Variants in AFF1 observed in about 807,000 individuals in gnomAD.
AFF1 encodes the protein ALF transcription elongation factor 1.
Under a neutral mutation model 121.7 loss-of-function variants are expected in AFF1, and 48 were observed. The observed-to-expected ratio is 0.39, with a 90% CI of 0.31 to 0.50. AFF1 has a LOEUF of 0.50. Ranked by LOEUF, AFF1 falls within the 20% of genes least tolerant of loss-of-function variation. AFF1 has a pLI of 0.76. For missense variants in AFF1, 1,523 were observed against 1,511.7 expected (o/e 1.01, Z -0.12); for synonymous variants, 613 against 563.0 (o/e 1.09, Z -1.26).
At chr4:87,079,016 C>T (rs1722927618) in intron 4 of AFF1, among the ~76,000 whole-genome samples, 1 of 152,118 alleles carries the variant, frequency 6.6e-6, no homozygotes, top group South Asian at 2.1e-4. Context: ...TATACCTTCT[C>T]ACAATGAGGA....
chr4:87,012,037 A>G (rs1726816678), intron 2 of AFF1, among the ~76,000 whole-genome samples: 1 of 152,226 alleles, frequency 6.6e-6, no homozygotes, highest in African/African-American at 2.4e-5. Flanking sequence ...ATAAAATATT[A>G]TGGATGAGAG....
chr4:87,044,698 C>A (rs1450751124), intron 2 of AFF1, among the ~76,000 whole-genome samples: 2 of 152,064 alleles, frequency 1.3e-5, no homozygotes, highest in African/African-American at 4.8e-5. Flanking sequence ...GTAAGAGAGT[C>A]ATACTTCCTA....
chr4:87,025,324 TTTTTGGTACAA>T (rs1728416773), intron 2 of AFF1, among the ~76,000 whole-genome samples: 1 of 152,174 alleles, frequency 6.6e-6, no homozygotes, highest in South Asian at 2.1e-4. Flanking sequence ...AGCCCAAAAC[TTTTTGGTACAA>T]TTCTCATCTC....
chr4:87,007,986 G>A (rs191788471), intron 2 of AFF1, among the ~76,000 whole-genome samples: 416 of 152,282 alleles, frequency 2.7e-3, no homozygotes, highest in South Asian at 9.7e-3. Context: ...GGGGAGAGAG[G>A]ATAATGAACT....
chr4:87,125,258 T>C, intron 13 of AFF1, 115 bp downstream of exon 13: 1 of 630,132 alleles, frequency 1.6e-6, no homozygotes, highest in African/African-American at 1.9e-5. Flanking sequence ...AAACTCAAGC[T>C]CATTTGGACA....
intron 2 of AFF1, among the ~76,000 whole-genome samples, chr4:87,023,855 A>G (rs568300256): frequency 1.8e-4 from 27 of 152,320 alleles, no homozygotes; most frequent in Non-Finnish European, 3.5e-4. Context: ...GGTTTTGTGG[A>G]TGGAGAAAGA....
At chr4:87,043,860 C>T (rs1730404615) in intron 2 of AFF1, among the ~76,000 whole-genome samples, 1 of 151,858 alleles carries the variant, frequency 6.6e-6, no homozygotes, top group Non-Finnish European at 1.5e-5. Flanking sequence ...GCGCTGTTGC[C>T]CCGGCTGGAG....
At chr4:86,982,632 G>A (rs1322257029) in intron 2 of AFF1, among the ~76,000 whole-genome samples, 1 of 151,286 alleles carries the variant, frequency 6.6e-6, no homozygotes, top group African/African-American at 2.4e-5. Context: ...ATCACCTGAG[G>A]TCAAGAGTTT....
At chr4:86,952,367 A>C (rs1314392662) in intron 2 of AFF1, among the ~76,000 whole-genome samples, 6 of 152,212 alleles carry the variant, frequency 3.9e-5, no homozygotes, top group Non-Finnish European at 7.3e-5. Flanking sequence ...TTTAAATTTT[A>C]ATTGTAAGAT....
At chr4:86,951,756 G>C (rs1326300103) in intron 2 of AFF1, among the ~76,000 whole-genome samples, 1 of 151,196 alleles carries the variant, frequency 6.6e-6, no homozygotes, top group East Asian at 1.9e-4. Context: ...TGAGTAGCTG[G>C]GACTACAGGC....
intron 2 of AFF1, among the ~76,000 whole-genome samples, chr4:87,022,712 C>A (rs1184812118): frequency 1.4e-5 from 2 of 143,782 alleles, no homozygotes; most frequent in African/African-American, 5.2e-5. Flanking sequence ...ATATATATAT[C>A]TGTGTGTATA....
chr4:86,941,634 A>C (rs1158576448), intron 1 of AFF1, among the ~76,000 whole-genome samples: 2 of 152,134 alleles, frequency 1.3e-5, no homozygotes, highest in Non-Finnish European at 2.9e-5. Flanking sequence ...CGTGGGCAAT[A>C]GAGCAAGACT....
In AFF1 at chr4:87,098,911, G is replaced by T. The variant is rs537816317; in HGVS notation, c.1283+3942G>T. Among the ~76,000 whole-genome samples, 3 of 152,218 alleles carry T rather than the reference G, an allele frequency of 2.0e-5. No homozygotes were observed. In the East Asian group the frequency reaches 5.8e-4, roughly 29 times the overall value. ...GTCTGATACCTTTTCAAATGAGCCC[G>T]AGTTTTCAACTTTTACTCAAAACAT... On this transcript the variant is annotated intron_variant, in intron 8 of 20. Transcript: ENST00000395146.
Position 87,068,999 on chromosome 4 carries a change from A to G in AFF1, c.1060-15121A>G, listed in dbSNP as rs575246744. Among the ~76,000 whole-genome samples the G allele has an allele frequency of 7.2e-5, 11 of 152,240 alleles. 1 individual carries two copies. The South Asian group carries it at 2.3e-3, about 32-fold the overall frequency. On this transcript the variant is annotated intron_variant, in intron 4 of 20. Coordinates refer to ENST00000395146, the MANE Select transcript of AFF1 (RefSeq NM_001166693.3). ...GCAGCTGGAGGTTCAGGTGGGGAGG[A>G]TGGAGGGTAGGGAAATAAGTGAGAG...
At chr4:87,001,243 C>T (rs1725697893) in intron 2 of AFF1, among the ~76,000 whole-genome samples, 1 of 98,548 alleles carries the variant, frequency 1.0e-5, no homozygotes, top group Non-Finnish European at 1.9e-5. Flanking sequence ...TTGGTGACGG[C>T]GTCTCGCTCT....
At chr4:87,129,844 GT>G (rs1728641779) in intron 16 of AFF1, among the ~76,000 whole-genome samples, 1 of 152,156 alleles carries the variant, frequency 6.6e-6, no homozygotes, top group African/African-American at 2.4e-5. Context: ...GAGAAGCGTT[GT>G]TTCTGCCCTG....
intron 1 of AFF1, among the ~76,000 whole-genome samples, chr4:86,947,516 A>G (rs1166136730): frequency 6.6e-6 from 1 of 152,240 alleles, no homozygotes; most frequent in Non-Finnish European, 1.5e-5. Context: ...CATTTGTATC[A>G]AATGGTTTGT....
At chr4:86,967,394 A>G (rs1722610051) in intron 2 of AFF1, among the ~76,000 whole-genome samples, 2 of 152,348 alleles carry the variant, frequency 1.3e-5, no homozygotes, top group Admixed American at 1.3e-4. Flanking sequence ...TGGAGCAGAG[A>G]GCACCAGGTC....
intron 2 of AFF1, among the ~76,000 whole-genome samples, chr4:86,977,876 G>A (rs1288098911): frequency 6.6e-6 from 1 of 152,172 alleles, no homozygotes; most frequent in Admixed American, 6.6e-5. Flanking sequence ...CTATGGGAGA[G>A]TGTTTTCTTT....
Sources: gnomAD v4.1 joint callset for allele counts (sites outside exome capture counted in the v4.1 genomes callset) on GRCh38, gnomAD v4.1.1 for gene constraint, MANE v1.5 for transcripts, NCBI Gene and HGNC (gene_info 2026-07-23, HGNC 2026-07-21) for gene names.